The following AK9 variants were observed in gnomAD, a reference collection of about 807,000 sequenced individuals.
AK9 encodes adenylate kinase 9.
A neutral mutation model predicts 239.6 loss-of-function variants in AK9; 191 were observed. The observed-to-expected ratio is 0.80, with a 90% confidence interval of 0.71 to 0.90. The LOEUF is 0.90. AK9 is among the 40% of genes least tolerant of loss of function. The probability of loss-of-function intolerance (pLI) is 0.00; values close to 1 mark genes in which losing one functional copy is unlikely to be tolerated. For missense variants in AK9, 1,995 were observed against 2,214.7 expected (o/e 0.90, Z 1.99); for synonymous variants, 689 against 721.0 (o/e 0.96, Z 0.71).
chr6:109,624,537 G>A (rs1795287023), intron 12 of AK9, among the ~76,000 whole-genome samples: 1 of 152,206 alleles, frequency 6.6e-6, no homozygotes, highest in African/African-American at 2.4e-5. Flanking sequence ...GGCTTCCAGA[G>A]TTGTGGTTTG....
intron 28 of AK9, 70 bp downstream of exon 28, chr6:109,533,181 A>G: frequency 8.4e-7 from 1 of 1,186,664 alleles, no homozygotes; most frequent in Non-Finnish European, 1.1e-6. Flanking sequence ...TTTTGTGAAG[A>G]TCACTTTATA....
intron 16 of AK9, 124 bp from the exon 17 acceptor site, chr6:109,610,637 A>G: frequency 9.4e-7 from 1 of 1,058,932 alleles, no homozygotes; most frequent in Non-Finnish European, 1.3e-6. Context: ...ACCGCAGCAC[A>G]TGTTGGAAGG....
intron 8 of AK9, among the ~76,000 whole-genome samples, chr6:109,656,453 A>C (rs1799712391): frequency 6.6e-6 from 1 of 152,228 alleles, no homozygotes; most frequent in South Asian, 2.1e-4. Flanking sequence ...AAATGCTTTT[A>C]TAACATAGTC....
chr6:109,604,094 G>T (rs575449486), intron 17 of AK9, among the ~76,000 whole-genome samples: 3 of 151,802 alleles, frequency 2.0e-5, no homozygotes, highest in Non-Finnish European at 4.4e-5. Context: ...CCCACTGTCC[G>T]ACAAGCCCCA....
At chr6:109,501,628 A>C (rs1777615057) in intron 35 of AK9, among the ~76,000 whole-genome samples, 1 of 152,238 alleles carries the variant, frequency 6.6e-6, no homozygotes, top group South Asian at 2.1e-4. Flanking sequence ...GTGTGGCATC[A>C]GCACTACTCC....
At chr6:109,565,147 C>T (rs1786302986) in intron 21 of AK9, among the ~76,000 whole-genome samples, 1 of 152,138 alleles carries the variant, frequency 6.6e-6, no homozygotes. Flanking sequence ...TGGCAGTAGA[C>T]TAACAATGCC....
chr6:109,517,648 T>C (rs1164062300), intron 29 of AK9, among the ~76,000 whole-genome samples: 2 of 152,240 alleles, frequency 1.3e-5, no homozygotes, highest in Non-Finnish European at 2.9e-5. Flanking sequence ...CCTATTATTA[T>C]GCTCTTATAG....
At chr6:109,641,973 C>A (rs1797510181) in intron 9 of AK9, among the ~76,000 whole-genome samples, 3 of 152,224 alleles carry the variant, frequency 2.0e-5, no homozygotes, top group Non-Finnish European at 2.9e-5. Context: ...AGTCTGCCCT[C>A]TGGTCCCCAG....
chr6:109,651,597 A>G (rs1042792958), intron 8 of AK9, among the ~76,000 whole-genome samples: 1 of 152,208 alleles, frequency 6.6e-6, no homozygotes, highest in Non-Finnish European at 1.5e-5. Flanking sequence ...ACAGAGACAC[A>G]TAAAACTCTT....
chr6:109,673,454 C>T (rs1024630007), intron 3 of AK9, among the ~76,000 whole-genome samples: 13 of 151,936 alleles, frequency 8.6e-5, no homozygotes, highest in Admixed American at 7.9e-4. Context: ...TTTATTTCTA[C>T]TTTTATGAAT....
chr6:109,641,841 T>C (rs1401122343), intron 9 of AK9, among the ~76,000 whole-genome samples: 1 of 152,178 alleles, frequency 6.6e-6, no homozygotes, highest in Non-Finnish European at 1.5e-5. Flanking sequence ...TCTCCCTGTG[T>C]GTCTGAGTCT....
chr6:109,549,657 A>ATTTTTTTTTTTTTTTTTTTTTT (rs1491473032), intron 25 of AK9: 2 of 122,352 alleles, frequency 1.6e-5, no homozygotes, highest in Admixed American at 9.3e-5. Context: ...TTGAACTTAG[A>ATTTTTTTTTTTTTTTTTTTTTT]TATTTTCTTT....
chr6:109,602,740 G>A (rs1057370783), intron 17 of AK9, among the ~76,000 whole-genome samples: 10 of 152,092 alleles, frequency 6.6e-5, no homozygotes, highest in African/African-American at 2.4e-4. Flanking sequence ...TTTTCACATA[G>A]TCCCATATTT....
At chr6:109,603,401 G>A (rs1792345781) in intron 17 of AK9, among the ~76,000 whole-genome samples, 1 of 152,228 alleles carries the variant, frequency 6.6e-6, no homozygotes, top group Non-Finnish European at 1.5e-5. Flanking sequence ...TTGCTGAACG[G>A]GAAATGTTGC....
At chr6:109,574,971 T>C (rs984204036) in intron 20 of AK9, among the ~76,000 whole-genome samples, 32 of 152,226 alleles carry the variant, frequency 2.1e-4, no homozygotes, top group Non-Finnish European at 3.8e-4. Flanking sequence ...TGGTTTTCTA[T>C]TCCTGAGTTA....
At chr6:109,576,177 T>C (rs1356687153) in intron 20 of AK9, among the ~76,000 whole-genome samples, 1 of 152,104 alleles carries the variant, frequency 6.6e-6, no homozygotes, top group East Asian at 1.9e-4. Flanking sequence ...TCCATTTGAA[T>C]TTTAGGATTT....
chr6:109,534,006 T>C (rs1781621764), intron 27 of AK9, among the ~76,000 whole-genome samples: 1 of 152,114 alleles, frequency 6.6e-6, no homozygotes, highest in Non-Finnish European at 1.5e-5. Context: ...GTTTTTCTTC[T>C]AACAGTGCTT....
intron 29 of AK9, among the ~76,000 whole-genome samples, chr6:109,521,771 A>G (rs1779891177): frequency 1.3e-5 from 2 of 152,206 alleles, no homozygotes; most frequent in Middle Eastern, 6.8e-3. Context: ...TGTTTCTAGT[A>G]TCAAGACCAA....
At chr6:109,579,699 T>TG in intron 19 of AK9, 73 bp from the exon 20 acceptor site, 1 of 1,235,568 alleles carries the variant, frequency 8.1e-7, no homozygotes, top group Non-Finnish European at 1.1e-6. Context: ...GATTAAATGC[T>TG]TATAGTGTTA....
Sources: gnomAD v4.1 joint callset for allele counts (sites outside exome capture counted in the v4.1 genomes callset) on GRCh38, gnomAD v4.1.1 for gene constraint, MANE v1.5 for transcripts, NCBI Gene and HGNC (gene_info 2026-07-23, HGNC 2026-07-21) for gene names.